The following STK4 variants were observed in gnomAD, a reference collection of about 807,000 sequenced individuals.
STK4 encodes the protein serine/threonine kinase 4, also known as serine/threonine-protein kinase 4.
In STK4, 30 loss-of-function variants were observed where a neutral mutation model predicts 64.9. The ratio of observed to expected loss-of-function variants is 0.46; its 90% CI spans 0.35 to 0.63. The LOEUF is 0.63. Among genes scored for constraint, STK4 ranks in the 20% least tolerant of loss-of-function variants. The pLI is 0.01. For synonymous variants in STK4, 177 were observed against 199.0 expected (o/e 0.89, Z 0.93); for missense variants, 466 against 598.5 (o/e 0.78, Z 2.31).
chr20:45,012,948 ATTTTTTTTTTTT>A (rs60788017), intron 9 of STK4, among the ~76,000 whole-genome samples: 86 of 51,190 alleles, frequency 1.7e-3, no homozygotes, highest in African/African-American at 6.8e-3. Flanking sequence ...CACACCTGTG[ATTTTTTTTTTTT>A]TTTTTTTTTT....
Position 45,006,223 on chromosome 20 carries a change from AT to A in STK4, c.1147+4874del, listed in dbSNP as rs573397198. ...CTAGGATTTCTTTTTCTCCTTTTTT[AT>A]TTTATTTTTGTTTCATTTTGTTTCG... On this transcript the variant is annotated intron_variant, in intron 9 of 10. Transcript: ENST00000372806. Among the ~76,000 whole-genome samples the A allele has an allele frequency of 4.6e-3, 663 of 145,212 alleles. 4 individuals carry two copies. Among genetic ancestry groups the A allele is most frequent in the African/African-American group, 0.016 (642 of 39,440 alleles).
chr20:44,969,280 A>G (rs2067205304), intron 1 of STK4, among the ~76,000 whole-genome samples: 1 of 152,244 alleles, frequency 6.6e-6, no homozygotes, highest in Admixed American at 6.5e-5. Context: ...TGTAATCCAT[A>G]TCAAATTCTG....
chr20:45,061,698 C>A (rs1381247591), intron 10 of STK4, among the ~76,000 whole-genome samples: 1 of 150,924 alleles, frequency 6.6e-6, no homozygotes, highest in Non-Finnish European at 1.5e-5. Context: ...ATTTCATCAC[C>A]AAGTAATTAG....
At chr20:44,989,597 G>T (rs555313586) in intron 5 of STK4, among the ~76,000 whole-genome samples, 1 of 152,022 alleles carries the variant, frequency 6.6e-6, no homozygotes, top group Non-Finnish European at 1.5e-5. Context: ...AATTTTGGTC[G>T]TGTCCAGTTT....
intron 10 of STK4, among the ~76,000 whole-genome samples, chr20:45,027,783 C>G (rs1325974628): frequency 6.6e-6 from 1 of 152,170 alleles, no homozygotes; most frequent in Non-Finnish European, 1.5e-5. Flanking sequence ...TTCCCAGCCA[C>G]TGCTAACCGT....
At chr20:44,989,603 A>G (rs996517643) in intron 5 of STK4, among the ~76,000 whole-genome samples, 4 of 151,970 alleles carry the variant, frequency 2.6e-5, no homozygotes, top group South Asian at 2.1e-4. Flanking sequence ...GGTCGTGTCC[A>G]GTTTCTTTTT....
chr20:45,034,874 A>C (rs2068502298), intron 10 of STK4, among the ~76,000 whole-genome samples: 1 of 152,110 alleles, frequency 6.6e-6, no homozygotes, highest in Non-Finnish European at 1.5e-5. Flanking sequence ...CTAGGATTGC[A>C]CCACTGTATA....
chr20:44,997,760 G>A (rs916906953), intron 7 of STK4, among the ~76,000 whole-genome samples: 2 of 152,204 alleles, frequency 1.3e-5, no homozygotes, highest in African/African-American at 4.8e-5. Flanking sequence ...ATCTATTTGA[G>A]TAGAAAAGAA....
intron 10 of STK4, chr20:45,053,133 T>C: frequency 1.9e-6 from 3 of 1,612,816 alleles, no homozygotes; most frequent in Non-Finnish European, 2.5e-6. Context: ...GTATCCAAAA[T>C]TGCCAGGGAA....
intron 2 of STK4, among the ~76,000 whole-genome samples, chr20:44,973,782 T>C (rs1394188724): frequency 6.6e-6 from 1 of 152,202 alleles, no homozygotes; most frequent in South Asian, 2.1e-4. Context: ...ATATATCAAT[T>C]CATAGAGTTG....
intron 10 of STK4, among the ~76,000 whole-genome samples, chr20:45,061,422 C>T (rs978126855): frequency 6.6e-5 from 10 of 152,068 alleles, no homozygotes; most frequent in Non-Finnish European, 7.4e-5. Context: ...TATGAGGAAA[C>T]CTTGTGCCAT....
intron 10 of STK4, among the ~76,000 whole-genome samples, chr20:45,049,167 T>C (rs1301267802): frequency 1.3e-5 from 2 of 152,114 alleles, no homozygotes; most frequent in African/African-American, 4.8e-5. Context: ...TTGCAGAGCA[T>C]TGGATCAGAG....
chr20:45,053,165 T>A, intron 10 of STK4: 1 of 1,611,172 alleles, frequency 6.2e-7, no homozygotes, highest in Non-Finnish European at 8.5e-7. Flanking sequence ...AGATACGCTT[T>A]CTGAGAAACC....
intron 10 of STK4, among the ~76,000 whole-genome samples, chr20:45,046,707 A>G (rs2068701120): frequency 6.6e-6 from 1 of 150,770 alleles, no homozygotes; most frequent in Non-Finnish European, 1.5e-5. Flanking sequence ...TCCGAGATGA[A>G]GCCTTGCTCT....
At chr20:45,037,568 T>A (rs535532346) in intron 10 of STK4, among the ~76,000 whole-genome samples, 1 of 152,204 alleles carries the variant, frequency 6.6e-6, no homozygotes, top group South Asian at 2.1e-4. Flanking sequence ...TGAACAAAAT[T>A]GATTGTTTGA....
intron 10 of STK4, among the ~76,000 whole-genome samples, chr20:45,058,485 G>T (rs1319927880): frequency 3.3e-5 from 5 of 152,062 alleles, no homozygotes; most frequent in African/African-American, 1.2e-4. Context: ...TTTCTTTTAT[G>T]TGTTTAAAAT....
chr20:44,986,081 G>T (rs189376218), intron 4 of STK4, among the ~76,000 whole-genome samples: 6 of 152,298 alleles, frequency 3.9e-5, no homozygotes, highest in African/African-American at 1.4e-4. Flanking sequence ...TGTGTGCCAG[G>T]TGGCTTTATT....
intron 10 of STK4, among the ~76,000 whole-genome samples, chr20:45,062,599 G>A (rs1175375030): frequency 6.6e-6 from 1 of 152,006 alleles, no homozygotes; most frequent in Non-Finnish European, 1.5e-5. Flanking sequence ...GTTATTTTTT[G>A]ACTTTTTAGT....
intron 10 of STK4, among the ~76,000 whole-genome samples, chr20:45,074,370 T>C (rs988580424): frequency 2.0e-5 from 3 of 152,166 alleles, no homozygotes; most frequent in African/African-American, 7.2e-5. Flanking sequence ...TCTCAGAAGT[T>C]TGAGGTTTTT....
Sources: allele counts gnomAD v4.1 joint callset (sites outside exome capture counted in the v4.1 genomes callset), GRCh38; gene constraint gnomAD v4.1.1; transcripts MANE v1.5; gene names NCBI Gene and HGNC (gene_info 2026-07-23, HGNC 2026-07-21).